The following GPBP1 variants were observed in gnomAD, a reference collection of about 807,000 sequenced individuals.
The protein encoded by GPBP1 is vasculin.
Under a neutral mutation model 56.5 loss-of-function variants are expected in GPBP1, and 13 were observed. The ratio of observed to expected loss-of-function variants is 0.23; its 90% CI spans 0.15 to 0.37. GPBP1 has a LOEUF of 0.37. Among genes scored for constraint, GPBP1 ranks in the 10% least tolerant of loss-of-function variants. The probability of loss-of-function intolerance (pLI) is 1.00; values close to 1 mark genes in which losing one functional copy is unlikely to be tolerated. For synonymous variants in GPBP1, 204 were observed against 188.9 expected (o/e 1.08, Z -0.66); for missense variants, 477 against 572.3 (o/e 0.83, Z 1.70).
In GPBP1 at chr5:57,177,648, CTTTTTTTTTTTTT is replaced by C. The variant is rs58708281; in HGVS notation, c.-58+1266_-58+1278del. Among the ~76,000 whole-genome samples, 323 of 92,260 alleles carry C rather than the reference CTTTTTTTTTTTTT, an allele frequency of 3.5e-3. 4 individuals carry two copies. The highest frequency in any genetic ancestry group is 0.013 in the Admixed American group (94 of 7,174). 60.5% of individuals were successfully genotyped at this position (92,260 alleles called of 152,430 possible). A position where few individuals can be genotyped will look rare whatever the true frequency, so the allele number is the denominator to read the frequency against. On this transcript the variant is annotated intron_variant, in intron 2 of 11. Transcript: ENST00000506184. ...GCCACCACGCTCGGCCAATTTTTGC[CTTTTTTTTTTTTT>C]TTTTTTTTTTTTTTTTTAGTAGAGA... is the stretch of plus-strand genomic sequence containing the variant.
chr5:57,175,060 C>G (rs7730981), intron 1 of GPBP1, among the ~76,000 whole-genome samples: 15,552 of 152,274 alleles, frequency 0.1, 1,006 homozygotes, highest in Non-Finnish European at 0.15. Flanking sequence ...GCACACCTGT[C>G]TTCGCTTTCC....
intron 3 of GPBP1, among the ~76,000 whole-genome samples, chr5:57,214,678 C>T (rs930597222): frequency 3.3e-5 from 5 of 151,884 alleles, no homozygotes; most frequent in African/African-American, 1.2e-4. Flanking sequence ...TTTTTTGAGA[C>T]AGAGCTTTGC....
At chr5:57,177,462 T>G (rs1022226092) in intron 2 of GPBP1, among the ~76,000 whole-genome samples, 1 of 152,036 alleles carries the variant, frequency 6.6e-6, no homozygotes, top group Non-Finnish European at 1.5e-5. Flanking sequence ...ATTAATTGTC[T>G]TTCTGAGACG....
At chr5:57,200,838 C>T (rs980325320) in intron 2 of GPBP1, among the ~76,000 whole-genome samples, 10 of 152,286 alleles carry the variant, frequency 6.6e-5, no homozygotes, top group Middle Eastern at 3.4e-3. Context: ...CTAGCCACCA[C>T]GCGCGGCTAG....
At chr5:57,177,388 A>T (rs1392184686) in intron 2 of GPBP1, among the ~76,000 whole-genome samples, 2 of 152,118 alleles carry the variant, frequency 1.3e-5, no homozygotes, top group African/African-American at 2.4e-5. Flanking sequence ...CTAATGACAA[A>T]ATTTAATTTT....
chr5:57,251,348 GCTA>G (rs1181467279), intron 10 of GPBP1, among the ~76,000 whole-genome samples: 4 of 152,122 alleles, frequency 2.6e-5, no homozygotes, highest in African/African-American at 7.2e-5. Context: ...GTCCTAGGCA[GCTA>G]CTATTCTTTC....
At chr5:57,256,014 T>G (rs1463849899) in intron 10 of GPBP1, among the ~76,000 whole-genome samples, 1 of 152,164 alleles carries the variant, frequency 6.6e-6, no homozygotes, top group African/African-American at 2.4e-5. Context: ...CCCAGCACTT[T>G]GGGAGGCTGA....
At chr5:57,250,585 G>C (rs1394594961) in intron 9 of GPBP1, among the ~76,000 whole-genome samples, 4 of 148,874 alleles carry the variant, frequency 2.7e-5, no homozygotes, top group Non-Finnish European at 4.4e-5. Flanking sequence ...CTCTTGTCTG[G>C]AGTATAGTGT....
At chr5:57,174,867 G>A (rs76366758) in intron 1 of GPBP1, among the ~76,000 whole-genome samples, 4,208 of 152,294 alleles carry the variant, frequency 0.028, 73 homozygotes, top group Middle Eastern at 0.051. Flanking sequence ...CTAGCCCTTT[G>A]CTCCCTCAGA....
intron 2 of GPBP1, among the ~76,000 whole-genome samples, chr5:57,211,158 CT>C (rs869221194): frequency 0.044 from 6,226 of 142,944 alleles, 311 homozygotes; most frequent in African/African-American, 0.12. Context: ...ACAATACTGC[CT>C]TTTTTTTTTT....
At chr5:57,188,750 A>G (rs1579980355) in intron 2 of GPBP1, among the ~76,000 whole-genome samples, 1 of 152,252 alleles carries the variant, frequency 6.6e-6, no homozygotes, top group East Asian at 1.9e-4. Context: ...CTCAAAAAAA[A>G]TAAAAGGCAA....
intron 3 of GPBP1, among the ~76,000 whole-genome samples, chr5:57,215,847 C>T (rs180848907): frequency 6.8e-6 from 1 of 147,594 alleles, no homozygotes; most frequent in Admixed American, 6.8e-5. Flanking sequence ...CTACTTATTG[C>T]TTATTCAGCT....
At chr5:57,250,596 A>G (rs1741337644) in intron 9 of GPBP1, among the ~76,000 whole-genome samples, 2 of 147,548 alleles carry the variant, frequency 1.4e-5, no homozygotes, top group Non-Finnish European at 3.0e-5. Flanking sequence ...AGTATAGTGT[A>G]CAATGGCATG....
chr5:57,217,911 AT>A (rs750135859), intron 3 of GPBP1, among the ~76,000 whole-genome samples: 2 of 152,112 alleles, frequency 1.3e-5, no homozygotes, highest in Non-Finnish European at 2.9e-5. Context: ...TTATTTAAAA[AT>A]ATCTTTCTCA....
intron 3 of GPBP1, among the ~76,000 whole-genome samples, chr5:57,223,699 T>G (rs1412177858): frequency 6.6e-6 from 1 of 151,688 alleles, no homozygotes; most frequent in Non-Finnish European, 1.5e-5. Context: ...GTCTTCATAG[T>G]CGCTTCTGGG....
At chr5:57,211,983 C>G (rs946526392) in intron 2 of GPBP1, among the ~76,000 whole-genome samples, 2 of 151,874 alleles carry the variant, frequency 1.3e-5, no homozygotes, top group African/African-American at 4.8e-5. Flanking sequence ...GTCATCCAGG[C>G]TAGAGGGCAG....
In GPBP1 at chr5:57,214,056, T is replaced by A. The variant is rs1364864938; in HGVS notation, c.-57-18T>A. The A allele has an allele frequency of 8.0e-7, 1 of 1,254,838 alleles. No homozygotes were observed. The highest frequency in any genetic ancestry group is 1.2e-6 in the Non-Finnish European group (1 of 857,512). 77.7% of individuals were successfully genotyped at this position (1,254,838 alleles called of 1,614,324 possible). The stretch of plus-strand genomic sequence containing the variant: ...GCCAGGAGCTGCAGGTCTAATTCCT[T>A]CCATTTTTATGTGACAGGGACTTGC... On this transcript the variant is annotated intron_variant, in intron 2 of 11. Coordinates refer to ENST00000506184, the MANE Select transcript of GPBP1 (RefSeq NM_022913.4).
rs1188928932 is a variant in GPBP1 at position 57,264,384 on chromosome 5, A to G, written c.*1632A>G. Reference sequence around the variant, plus strand: ...TATTGAATGTCTTTGAGACTCTTAGATTGTACTATTTGCTTAATAGATTAA... The same window carrying G: ...TATTGAATGTCTTTGAGACTCTTAGGTTGTACTATTTGCTTAATAGATTAA... On this transcript the variant is annotated 3_prime_UTR_variant, in exon 12 of 12. Transcript: ENST00000506184. 3 of 152,174 alleles carry G rather than the reference A, an allele frequency of 2.0e-5. No homozygotes were observed. Among genetic ancestry groups the G allele is most frequent in the African/African-American group, 7.2e-5 (3 of 41,450 alleles). The allele number at this position is 152,174 out of a possible 1,614,324, so 9.4% of individuals were successfully genotyped here.
At chr5:57,209,010 T>A (rs1027540954) in intron 2 of GPBP1, among the ~76,000 whole-genome samples, 1 of 152,194 alleles carries the variant, frequency 6.6e-6, no homozygotes, top group Non-Finnish European at 1.5e-5. Context: ...GTCTTAATAG[T>A]TTTTGGTGTG....
Sources: gnomAD v4.1 joint callset for allele counts (sites outside exome capture counted in the v4.1 genomes callset) on GRCh38, gnomAD v4.1.1 for gene constraint, MANE v1.5 for transcripts, NCBI Gene and HGNC (gene_info 2026-07-23, HGNC 2026-07-21) for gene names.